The following POU6F2 variants were observed in gnomAD, a reference collection of about 807,000 sequenced individuals.
The protein encoded by POU6F2 is POU domain, class 6, transcription factor 2.
Under a neutral mutation model 71.3 loss-of-function variants are expected in POU6F2, and 31 were observed. The ratio of observed to expected loss-of-function variants is 0.43; its 90% CI spans 0.33 to 0.59. The LOEUF (loss-of-function observed/expected upper bound fraction) is 0.59, where lower values mean the gene tolerates loss of function less well. Among genes scored for constraint, POU6F2 ranks in the 20% least tolerant of loss-of-function variants. The pLI, the probability that POU6F2 is intolerant of heterozygous loss-of-function variation, is 0.04. For missense variants in POU6F2, 783 were observed against 856.8 expected (o/e 0.91, Z 1.07); for synonymous variants, 347 against 355.7 (o/e 0.98, Z 0.27).
intron 5 of POU6F2, among the ~76,000 whole-genome samples, chr7:39,355,223 G>T (rs373646967): frequency 6.6e-6 from 1 of 152,192 alleles, no homozygotes; most frequent in South Asian, 2.1e-4. Flanking sequence ...TGTTTTTCAT[G>T]ACATTGTGAG....
chr7:39,230,187 A>C (rs1290989870), intron 4 of POU6F2, among the ~76,000 whole-genome samples: 1 of 152,150 alleles, frequency 6.6e-6, no homozygotes, highest in Non-Finnish European at 1.5e-5. Flanking sequence ...ATCTACAAGA[A>C]GTTCAAGGTA....
In POU6F2 at chr7:39,018,931, C is replaced by T. The variant is rs144456003; in HGVS notation, c.105+40873C>T. ...AGAATTCATTTGCTTCTTGGAAACA[C>T]TCCTTCTGATTTCCCTGCCTCCTTC... is the stretch of plus-strand genomic sequence containing the variant. On this transcript the variant is annotated intron_variant, in intron 1 of 9. Transcript: ENST00000518318. 3.4e-3 allele frequency among the ~76,000 whole-genome samples: 524 copies of T among 152,246 alleles called. 9 individuals are homozygous for T. Among genetic ancestry groups the T allele is most frequent in the South Asian group, 0.033 (158 of 4,828 alleles).
intron 2 of POU6F2, among the ~76,000 whole-genome samples, chr7:39,126,680 C>T (rs1792144104): frequency 6.6e-6 from 1 of 152,152 alleles, no homozygotes; most frequent in African/African-American, 2.4e-5. Context: ...ATTGATGATT[C>T]AGATCTATCT....
At chr7:39,139,360 G>A (rs993109310) in intron 2 of POU6F2, among the ~76,000 whole-genome samples, 5 of 152,162 alleles carry the variant, frequency 3.3e-5, no homozygotes, top group Non-Finnish European at 5.9e-5. Context: ...ATGGGCTGAT[G>A]TTTGCTGTTG....
intron 1 of POU6F2, among the ~76,000 whole-genome samples, chr7:39,061,744 C>A (rs1392284914): frequency 6.6e-6 from 1 of 152,146 alleles, no homozygotes; most frequent in Admixed American, 6.5e-5. Context: ...TAAATTTTAT[C>A]ATCAGCAACA....
At chr7:39,111,756 A>G (rs1562710442) in intron 2 of POU6F2, among the ~76,000 whole-genome samples, 1 of 152,188 alleles carries the variant, frequency 6.6e-6, no homozygotes, top group Non-Finnish European at 1.5e-5. Flanking sequence ...TTACAATTAT[A>G]TCACGCAAGG....
chr7:39,231,472 C>A (rs1264553066), intron 4 of POU6F2, among the ~76,000 whole-genome samples: 1 of 152,090 alleles, frequency 6.6e-6, no homozygotes, highest in East Asian at 1.9e-4. Context: ...TATAATTATA[C>A]CCTTTTATAT....
chr7:39,201,909 G>C (rs1793913219), intron 2 of POU6F2, among the ~76,000 whole-genome samples: 1 of 152,136 alleles, frequency 6.6e-6, no homozygotes, highest in Non-Finnish European at 1.5e-5. Flanking sequence ...GTCCTGCAAG[G>C]TTATGCGTGA....
chr7:39,239,946 A>G (rs6974806), intron 4 of POU6F2, among the ~76,000 whole-genome samples: 36,954 of 152,072 alleles, frequency 0.24, 5,468 homozygotes, highest in African/African-American at 0.42. Flanking sequence ...AAATGGGACT[A>G]TCTTATGAGA....
At chr7:39,019,657 T>C (rs1789636231) in intron 1 of POU6F2, among the ~76,000 whole-genome samples, 1 of 151,630 alleles carries the variant, frequency 6.6e-6, no homozygotes, top group African/African-American at 2.4e-5. Flanking sequence ...TTCTTTTTTT[T>C]TTTTTTTAAG....
At position 39,389,599 on chromosome 7, in the gene POU6F2, A is replaced by G. The variant is rs940052973; in HGVS notation, c.973-17001A>G. On this transcript the variant is annotated intron_variant, in intron 5 of 9. Transcript: ENST00000518318. The stretch of plus-strand genomic sequence containing the variant: ...GCTGTGGTTACAGAAGCTAAGGAAA[A>G]TAGAGGACCAAATGTAAATTTGCTC... Among the ~76,000 whole-genome samples, 8 of 152,344 alleles carry G rather than the reference A, an allele frequency of 5.3e-5. 1 individual carries two copies. In the East Asian group the frequency reaches 9.6e-4, roughly 18 times the overall value.
chr7:39,265,138 T>C (rs1417941630), intron 4 of POU6F2, among the ~76,000 whole-genome samples: 1 of 151,972 alleles, frequency 6.6e-6, no homozygotes. Flanking sequence ...ATAAAGATAC[T>C]CTCCCCCACC....
intron 1 of POU6F2, among the ~76,000 whole-genome samples, chr7:39,046,967 C>G (rs961219737): frequency 2.0e-5 from 3 of 151,900 alleles, no homozygotes; most frequent in Non-Finnish European, 4.4e-5. Context: ...GTCATTCCCC[C>G]CATTAAATTG....
At chr7:39,394,032 C>T (rs1787127392) in intron 5 of POU6F2, among the ~76,000 whole-genome samples, 1 of 152,180 alleles carries the variant, frequency 6.6e-6, no homozygotes, top group Non-Finnish European at 1.5e-5. Context: ...CATCAGAATG[C>T]TCCAGTACTT....
At chr7:38,980,563 C>G (rs1032049859) in intron 1 of POU6F2, among the ~76,000 whole-genome samples, 3 of 152,130 alleles carry the variant, frequency 2.0e-5, no homozygotes, top group Non-Finnish European at 2.9e-5. Flanking sequence ...CACTCAAAAC[C>G]AGAAAGGGAT....
At chr7:39,457,048 CTT>C (rs1261363625) in intron 8 of POU6F2, among the ~76,000 whole-genome samples, 1 of 152,196 alleles carries the variant, frequency 6.6e-6, no homozygotes, top group Non-Finnish European at 1.5e-5. Flanking sequence ...CTTTTCAACT[CTT>C]GTTATTGTCA....
Position 39,163,155 on chromosome 7 carries a change from T to C in POU6F2, c.278-41080T>C, listed in dbSNP as rs544356763. 2.1e-4 allele frequency among the ~76,000 whole-genome samples: 32 copies of C among 152,340 alleles called. No individual in the cohort carries two copies. The South Asian group carries it at 6.4e-3, about 31-fold the overall frequency. ...GAATCTGACAGAGAATATCAAGCCC[T>C]GATCTACCTAAGGAAGTTTTGTGGA... On this transcript the variant is annotated intron_variant, in intron 2 of 9. Transcript: ENST00000518318.
rs912468226 is a variant in POU6F2 at position 39,460,400 on chromosome 7, C to A, written c.1490-147C>A. On this transcript the variant is annotated intron_variant, in intron 8 of 9. Transcript: ENST00000518318. The surrounding 1 kb of genome is among the most constrained non-coding windows in gnomAD (Gnocchi z 4.4). ...TGCGGATGGAGTGTTGGGTGTCTCA[C>A]CTGGGAGACAAAGCGAACATTCTCT... The A allele has an allele frequency of 7.9e-5, 64 of 807,458 alleles. 2 individuals are homozygous for A. In the South Asian group the frequency reaches 1.1e-3, roughly 14 times the overall value. 50.0% of individuals were successfully genotyped at this position (807,458 alleles called of 1,614,324 possible).
At chr7:39,124,510 G>A (rs905941918) in intron 2 of POU6F2, among the ~76,000 whole-genome samples, 1 of 152,176 alleles carries the variant, frequency 6.6e-6, no homozygotes, top group African/African-American at 2.4e-5. Flanking sequence ...CATTATAGCT[G>A]TTTTCGCTTA....
Sources: allele counts gnomAD v4.1 joint callset (sites outside exome capture counted in the v4.1 genomes callset), GRCh38; gene constraint gnomAD v4.1.1; non-coding constraint Gnocchi (gnomAD v3.1); transcripts MANE v1.5; gene names NCBI Gene and HGNC (gene_info 2026-07-23, HGNC 2026-07-21).